NTRK3: variants seen among roughly 807,000 people sequenced by gnomAD.
The protein encoded by NTRK3 is NT-3 growth factor receptor.
NTRK3 carries 24 observed loss-of-function variants against 91.7 expected under a neutral mutation model. The observed-to-expected ratio is 0.26, with a 90% CI of 0.19 to 0.37. The LOEUF (loss-of-function observed/expected upper bound fraction) is 0.37, where lower values mean the gene tolerates loss of function less well. Among genes scored for constraint, NTRK3 ranks in the 10% least tolerant of loss-of-function variants. The pLI, the probability that NTRK3 is intolerant of heterozygous loss-of-function variation, is 1.00. For synonymous variants in NTRK3, 483 were observed against 404.0 expected (o/e 1.20, Z -2.34); for missense variants, 880 against 1,068.9 (o/e 0.82, Z 2.46).
intron 5 of NTRK3, among the ~76,000 whole-genome samples, chr15:88,167,417 T>C (rs1456092981): frequency 6.6e-6 from 1 of 152,112 alleles, no homozygotes; most frequent in African/African-American, 2.4e-5. Context: ...AGCTAGAACT[T>C]GAAAAAGTCT....
chr15:88,020,821 T>C (rs1331468548), intron 14 of NTRK3, among the ~76,000 whole-genome samples: 2 of 152,222 alleles, frequency 1.3e-5, no homozygotes, highest in African/African-American at 4.8e-5. Context: ...AACCCCCTAG[T>C]TCAGCTCATT....
At chr15:88,136,114 C>T (rs558772682) in intron 8 of NTRK3, 74 bp from the exon 9 acceptor site, 1 of 1,563,658 alleles carries the variant, frequency 6.4e-7, no homozygotes, top group African/African-American at 1.4e-5. Flanking sequence ...TCCCCAAATA[C>T]CTTTAGGAAT....
chr15:88,147,505 C>CCTTCTTCTTCTTCTTCTTCTT (rs34299110), intron 5 of NTRK3, 102 bp from the exon 6 acceptor site: 20 of 660,194 alleles, frequency 3.0e-5, no homozygotes, highest in African/African-American at 1.7e-4. Context: ...GCTTTGTTTT[C>CCTTCTTCTTCTTCTTCTTCTT]CTTCTTCTTC....
intron 13 of NTRK3, among the ~76,000 whole-genome samples, chr15:88,110,315 T>C (rs908490956): frequency 2.6e-5 from 4 of 152,218 alleles, no homozygotes; most frequent in African/African-American, 9.7e-5. Context: ...TCTTCCTGTC[T>C]GCAGGCACCG....
intron 13 of NTRK3, among the ~76,000 whole-genome samples, chr15:88,039,222 C>T (rs2079372845): frequency 6.6e-6 from 1 of 151,852 alleles, no homozygotes; most frequent in South Asian, 2.1e-4. Context: ...TGTCACTAAT[C>T]CATTCCAAAT....
At chr15:88,163,546 G>A (rs996376394) in intron 5 of NTRK3, among the ~76,000 whole-genome samples, 5 of 152,166 alleles carry the variant, frequency 3.3e-5, no homozygotes, top group Non-Finnish European at 1.5e-5. Context: ...TGAATGGAGG[G>A]AATCCTGGAG....
At chr15:87,914,194 T>C (rs2067287199) in intron 17 of NTRK3, among the ~76,000 whole-genome samples, 1 of 152,234 alleles carries the variant, frequency 6.6e-6, no homozygotes, top group Non-Finnish European at 1.5e-5. Flanking sequence ...TGAGAACAAA[T>C]GCTTTGATGC....
At chr15:88,173,210 A>G (rs1392102631) in intron 5 of NTRK3, among the ~76,000 whole-genome samples, 1 of 152,166 alleles carries the variant, frequency 6.6e-6, no homozygotes, top group Non-Finnish European at 1.5e-5. Context: ...CAGAAATAGC[A>G]TGGCTGGATT....
chr15:87,984,161 G>A (rs1424566371), intron 14 of NTRK3, among the ~76,000 whole-genome samples: 1 of 152,174 alleles, frequency 6.6e-6, no homozygotes, highest in East Asian at 1.9e-4. Flanking sequence ...CCTAACCAAG[G>A]GTTGTGGAAT....
At chr15:87,957,835 A>G (rs1379009506) in intron 14 of NTRK3, among the ~76,000 whole-genome samples, 1 of 152,214 alleles carries the variant, frequency 6.6e-6, no homozygotes. Context: ...TGTTTAGCAG[A>G]GCACATTAAT....
intron 14 of NTRK3, among the ~76,000 whole-genome samples, chr15:88,016,112 G>T (rs2141832034): frequency 6.6e-6 from 1 of 152,162 alleles, no homozygotes; most frequent in East Asian, 1.9e-4. Flanking sequence ...TCATCACTTG[G>T]GGTGGCATTA....
chr15:88,249,992 G>A (rs2053196732), intron 3 of NTRK3, among the ~76,000 whole-genome samples: 1 of 152,150 alleles, frequency 6.6e-6, no homozygotes, highest in Non-Finnish European at 1.5e-5. Context: ...CTTCCTAGAT[G>A]AAAATGCTCT....
chr15:88,211,303 T>TTTGAGG (rs1350250833), intron 3 of NTRK3, among the ~76,000 whole-genome samples: 1 of 152,226 alleles, frequency 6.6e-6, no homozygotes, highest in Non-Finnish European at 1.5e-5. Context: ...TTAACACATT[T>TTTGAGG]TTGAGGTTAG....
At chr15:88,218,516 A>T (rs1190165034) in intron 3 of NTRK3, among the ~76,000 whole-genome samples, 1 of 152,220 alleles carries the variant, frequency 6.6e-6, no homozygotes, top group Non-Finnish European at 1.5e-5. Context: ...GATTCAAGAC[A>T]ATGCTTGCTA....
chr15:87,903,695 C>T (rs75702687), intron 17 of NTRK3, among the ~76,000 whole-genome samples: 3,178 of 152,266 alleles, frequency 0.021, 51 homozygotes, highest in Non-Finnish European at 0.035. Context: ...TGAGGACATG[C>T]GATACCCTGT....
intron 14 of NTRK3, among the ~76,000 whole-genome samples, chr15:88,016,583 T>A (rs576316046): frequency 6.6e-6 from 1 of 152,324 alleles, no homozygotes; most frequent in East Asian, 1.9e-4. Flanking sequence ...GCACACCCCC[T>A]CCCAGGGGCC....
chr15:88,034,941 C>T (rs1213699513), intron 13 of NTRK3, among the ~76,000 whole-genome samples: 1 of 152,092 alleles, frequency 6.6e-6, no homozygotes, highest in African/African-American at 2.4e-5. Context: ...ACAGGGAAAA[C>T]TAAGCACTGG....
chr15:88,202,558 CT>C (rs1378633617), intron 3 of NTRK3, among the ~76,000 whole-genome samples: 1 of 152,228 alleles, frequency 6.6e-6, no homozygotes, highest in Non-Finnish European at 1.5e-5. Context: ...TACAGATGCC[CT>C]TTTGACTAAG....
chr15:88,179,889 A>G (rs1382378587), intron 5 of NTRK3, among the ~76,000 whole-genome samples: 2 of 152,254 alleles, frequency 1.3e-5, no homozygotes, highest in Non-Finnish European at 2.9e-5. Context: ...TCAGTGTACA[A>G]TGAAGAAAGA....
Sources: gnomAD v4.1 joint callset for allele counts (sites outside exome capture counted in the v4.1 genomes callset) on GRCh38, gnomAD v4.1.1 for gene constraint, MANE v1.5 for transcripts, NCBI Gene and HGNC (gene_info 2026-07-23, HGNC 2026-07-21) for gene names.